B3GAT1: variants seen among roughly 807,000 people sequenced by gnomAD.
The protein encoded by B3GAT1 is beta-1,3-glucuronyltransferase 1, also known as galactosylgalactosylxylosylprotein 3-beta-glucuronosyltransferase 1.
A neutral mutation model predicts 28.4 loss-of-function variants in B3GAT1; 11 were observed. That is an observed-to-expected ratio of 0.39 (90% CI 0.24 to 0.64). B3GAT1 has a LOEUF of 0.64. Ranked by LOEUF, B3GAT1 falls within the 30% of genes least tolerant of loss-of-function variation. The pLI is 0.50. For synonymous variants in B3GAT1, 255 were observed against 223.1 expected (o/e 1.14, Z -1.27); for missense variants, 375 against 491.0 (o/e 0.76, Z 2.23).
intron 1 of B3GAT1, among the ~76,000 whole-genome samples, chr11:134,399,385 G>A (rs1944565510): frequency 6.6e-6 from 1 of 152,240 alleles, no homozygotes; most frequent in African/African-American, 2.4e-5. Flanking sequence ...GGAGAGGCCT[G>A]TGGTTTGCTC....
chr11:134,401,037 C>T (rs762504184), intron 1 of B3GAT1, among the ~76,000 whole-genome samples: 3 of 152,142 alleles, frequency 2.0e-5, no homozygotes, highest in South Asian at 2.1e-4. Context: ...ATCAAAGTCA[C>T]GAGACACCAT....
intron 2 of B3GAT1, chr11:134,384,681 C>G (rs997170327): frequency 1.3e-5 from 2 of 155,044 alleles, no homozygotes; most frequent in African/African-American, 4.8e-5. Flanking sequence ...TGTGGGCCCG[C>G]AGGAGCCTGA....
intron 2 of B3GAT1, chr11:134,386,266 TG>T (rs1944283167): frequency 6.6e-6 from 1 of 152,262 alleles, no homozygotes; most frequent in Admixed American, 6.5e-5. Flanking sequence ...GGACACTGCC[TG>T]CATCTTGGGG....
At chr11:134,381,350 T>A (rs1344634830) in intron 5 of B3GAT1, among the ~76,000 whole-genome samples, 1 of 152,212 alleles carries the variant, frequency 6.6e-6, no homozygotes, top group African/African-American at 2.4e-5. Context: ...CATGAACTGT[T>A]CTAGGTGCTC....
chr11:134,381,600 G>A (rs113293789), intron 5 of B3GAT1: 35 of 275,420 alleles, frequency 1.3e-4, no homozygotes, highest in African/African-American at 6.9e-4. Flanking sequence ...GGGGACAGAC[G>A]CTGGCCAGCG....
chr11:134,384,308 C>T (rs1944223072), intron 2 of B3GAT1, 120 bp from the exon 3 acceptor site: 2 of 1,307,952 alleles, frequency 1.5e-6, no homozygotes, highest in African/African-American at 3.0e-5. Context: ...AGGGGCTGCT[C>T]AGACCCCCGC....
intron 1 of B3GAT1, among the ~76,000 whole-genome samples, chr11:134,407,616 C>T (rs1459462360): frequency 1.3e-5 from 2 of 152,242 alleles, no homozygotes; most frequent in African/African-American, 4.8e-5. Flanking sequence ...CCCTGCCAGG[C>T]ACTTGGCGCG....
Position 134,384,156 on chromosome 11 carries a change from GC to G in B3GAT1, c.144del (p.Gly50AlafsTer40). The G allele has an allele frequency of 6.4e-7, 1 of 1,554,998 alleles. No homozygotes were observed. Among genetic ancestry groups the G allele is most frequent in the Non-Finnish European group, 8.7e-7 (1 of 1,150,700 alleles). On this transcript the variant is annotated frameshift_variant, in exon 3 of 6. Transcript: ENST00000312527. LOFTEE classifies it high-confidence loss of function. ...CAGTACTCCCTGGGGTCGGCGCCGG[GC>G]GGCGTTTCGCGTCGGGGGTCACTGC... ...DEGSDPRRET[P>X]PGADPREYCT...
chr11:134,402,161 C>T (rs1168487958), intron 1 of B3GAT1, among the ~76,000 whole-genome samples: 1 of 152,194 alleles, frequency 6.6e-6, no homozygotes, highest in East Asian at 1.9e-4. Flanking sequence ...GGGCACCCAT[C>T]CTGTCACCCT....
intron 1 of B3GAT1, among the ~76,000 whole-genome samples, chr11:134,395,472 A>G (rs1944487564): frequency 1.3e-5 from 2 of 152,052 alleles, no homozygotes; most frequent in Non-Finnish European, 2.9e-5. Flanking sequence ...TGTGCTAACC[A>G]TGACCGGACG....
At chr11:134,398,025 G>A (rs1229008998) in intron 1 of B3GAT1, among the ~76,000 whole-genome samples, 1 of 152,198 alleles carries the variant, frequency 6.6e-6, no homozygotes, top group Non-Finnish European at 1.5e-5. Flanking sequence ...TCCTCAATGC[G>A]TTGCTTGGAA....
intron 1 of B3GAT1, among the ~76,000 whole-genome samples, chr11:134,395,735 A>C (rs1466836943): frequency 6.6e-6 from 1 of 152,148 alleles, no homozygotes; most frequent in Non-Finnish European, 1.5e-5. Context: ...TTTTGGAAGG[A>C]AATGTCCCCA....
rs1457139771 is a variant in B3GAT1, at chr11:134,387,476, C to G, written c.112+72G>C. ...CTGCTAAGTGAGTGCAAGCAAGAACCCTGCGTGTCAGCTGTGGTCACTGTC... is the reference window on the plus strand; with the variant it reads ...CTGCTAAGTGAGTGCAAGCAAGAACGCTGCGTGTCAGCTGTGGTCACTGTC... On this transcript the variant is annotated intron_variant, in intron 2 of 5. Coordinates refer to ENST00000312527, the MANE Select transcript of B3GAT1 (RefSeq NM_054025.3). 3.2e-6 allele frequency: 5 copies of G among 1,584,834 alleles called. No homozygotes were observed. In the Admixed American group the frequency reaches 6.8e-5, roughly 22 times the overall value.
At chr11:134,408,271 G>A (rs1389225913) in intron 1 of B3GAT1, among the ~76,000 whole-genome samples, 10 of 104,128 alleles carry the variant, frequency 9.6e-5, no homozygotes, top group Non-Finnish European at 1.7e-4. Flanking sequence ...AGCCTGCACC[G>A]ATTCCAGTGG....
intron 1 of B3GAT1, among the ~76,000 whole-genome samples, chr11:134,407,325 A>G (rs1455543493): frequency 6.6e-6 from 1 of 152,244 alleles, no homozygotes; most frequent in Non-Finnish European, 1.5e-5. Context: ...ATAGCCAGCC[A>G]GAGAGGACGG....
At chr11:134,397,198 C>T (rs75474440) in intron 1 of B3GAT1, among the ~76,000 whole-genome samples, 15,323 of 152,160 alleles carry the variant, frequency 0.1, 909 homozygotes, top group Non-Finnish European at 0.14. Context: ...AGTTTTTACC[C>T]ACAATGGCCC....
At chr11:134,384,283 C>G in intron 2 of B3GAT1, 95 bp from the exon 3 acceptor site, 1 of 1,416,774 alleles carries the variant, frequency 7.1e-7, no homozygotes, top group African/African-American at 1.4e-5. Context: ...GGGCACCCTC[C>G]TCCTCCCCCG....
chr11:134,403,897 T>C (rs1944668619), intron 1 of B3GAT1, among the ~76,000 whole-genome samples: 1 of 148,172 alleles, frequency 6.7e-6, no homozygotes, highest in Non-Finnish European at 1.5e-5. Flanking sequence ...GTAAAATTCA[T>C]AGAGACAGAA....
At chr11:134,394,843 T>C (rs1944473718) in intron 1 of B3GAT1, among the ~76,000 whole-genome samples, 1 of 152,268 alleles carries the variant, frequency 6.6e-6, no homozygotes, top group Non-Finnish European at 1.5e-5. Flanking sequence ...ACGCTTTGGT[T>C]TTCTTCCAGC....
Sources: gnomAD v4.1 joint callset for allele counts (sites outside exome capture counted in the v4.1 genomes callset) on GRCh38, gnomAD v4.1.1 for gene constraint, MANE v1.5 for transcripts, NCBI Gene and HGNC (gene_info 2026-07-23, HGNC 2026-07-21) for gene names.